The following EYS variants were observed in gnomAD, a reference collection of about 807,000 sequenced individuals.
The protein encoded by EYS is protein eyes shut homolog.
EYS carries 250 observed loss-of-function variants against 282.1 expected under a neutral mutation model. The ratio of observed to expected loss-of-function variants is 0.89; its 90% confidence interval spans 0.80 to 0.98. The LOEUF (loss-of-function observed/expected upper bound fraction) is 0.98. EYS is among the 50% of genes least tolerant of loss of function. The pLI, the probability that EYS is intolerant of heterozygous loss-of-function variation, is 0.00. For missense variants in EYS, 4,016 were observed against 3,709.0 expected (o/e 1.08, Z -2.15); for synonymous variants, 1,355 against 1,282.9 (o/e 1.06, Z -1.20).
chr6:64,286,365 T>TACC (rs1768501118), intron 30 of EYS, among the ~76,000 whole-genome samples: 1 of 152,200 alleles, frequency 6.6e-6, no homozygotes, highest in South Asian at 2.1e-4. Flanking sequence ...AATACAATGG[T>TACC]ACCTGGTTTT....
At chr6:64,617,118 G>A (rs988231454) in intron 24 of EYS, among the ~76,000 whole-genome samples, 7 of 152,016 alleles carry the variant, frequency 4.6e-5, no homozygotes, top group Admixed American at 2.6e-4. Context: ...TTCCTCCACT[G>A]GCATCCTCCT....
intron 26 of EYS, among the ~76,000 whole-genome samples, chr6:64,478,201 C>T (rs535537195): frequency 6.6e-6 from 1 of 152,034 alleles, no homozygotes; most frequent in Non-Finnish European, 1.5e-5. Context: ...TAGCTATATT[C>T]TTATTACCTT....
At chr6:63,809,147 A>G (rs1770977483) in intron 36 of EYS, among the ~76,000 whole-genome samples, 1 of 152,192 alleles carries the variant, frequency 6.6e-6, no homozygotes, top group African/African-American at 2.4e-5. Flanking sequence ...AATCAGGAGA[A>G]GAGGTCAAAG....
At chr6:64,524,837 A>G (rs1777867877) in intron 26 of EYS, among the ~76,000 whole-genome samples, 1 of 151,576 alleles carries the variant, frequency 6.6e-6, no homozygotes, top group Non-Finnish European at 1.5e-5. Context: ...TGGGTCTATT[A>G]TGGTACCACC....
Position 63,820,398 on chromosome 6 carries a change from C to T in EYS, c.7229-14026G>A, listed in dbSNP as rs916513318. ...CACCTCACAAATAGTTTCTTCAAAT[C>T]TATTGTTTTTCTACTGACTTTAGAT... On this transcript the variant is annotated intron_variant, in intron 36 of 42. Coordinates refer to ENST00000503581, the MANE Select transcript of EYS (RefSeq NM_001142800.2). 4.6e-5 allele frequency among the ~76,000 whole-genome samples: 7 copies of T among 152,138 alleles called. No individual in the cohort carries two copies. The South Asian group carries it at 6.2e-4, about 13-fold the overall frequency.
At chr6:65,060,717 T>G (rs1773546517) in intron 12 of EYS, among the ~76,000 whole-genome samples, 1 of 151,278 alleles carries the variant, frequency 6.6e-6, no homozygotes. Context: ...TACACCTTCT[T>G]CTGCAGTCAG....
intron 12 of EYS, among the ~76,000 whole-genome samples, chr6:65,118,724 A>T (rs1475247867): frequency 6.6e-6 from 1 of 152,192 alleles, no homozygotes; most frequent in African/African-American, 2.4e-5. Flanking sequence ...GAGAGTTTTA[A>T]GTTGGGGAGT....
chr6:65,379,191 G>C (rs552891285), intron 8 of EYS, among the ~76,000 whole-genome samples: 1 of 152,028 alleles, frequency 6.6e-6, no homozygotes, highest in Non-Finnish European at 1.5e-5. Flanking sequence ...CAATATCACT[G>C]ATGAACTTCG....
chr6:64,248,005 CAA>C (rs1164336116), intron 30 of EYS, among the ~76,000 whole-genome samples: 1 of 152,108 alleles, frequency 6.6e-6, no homozygotes, highest in Non-Finnish European at 1.5e-5. Context: ...AGAACATCCT[CAA>C]GAGGCCGAGT....
intron 39 of EYS, among the ~76,000 whole-genome samples, chr6:63,780,003 T>G (rs1328159075): frequency 6.6e-6 from 1 of 152,188 alleles, no homozygotes; most frequent in Non-Finnish European, 1.5e-5. Flanking sequence ...CAGTGTTTGG[T>G]TTTCTGTCCT....
At chr6:63,870,145 C>G (rs1002477042) in intron 35 of EYS, among the ~76,000 whole-genome samples, 11 of 152,088 alleles carry the variant, frequency 7.2e-5, no homozygotes, top group Non-Finnish European at 1.3e-4. Context: ...TATTTTGAAG[C>G]TATTTAAGGC....
chr6:64,947,541 G>T (rs1769327807), intron 14 of EYS, among the ~76,000 whole-genome samples: 1 of 151,408 alleles, frequency 6.6e-6, no homozygotes, highest in Admixed American at 6.6e-5. Flanking sequence ...CTCCAGTTTT[G>T]CTGGATTTTA....
chr6:64,267,761 C>T (rs1463889561), intron 30 of EYS, among the ~76,000 whole-genome samples: 1 of 151,846 alleles, frequency 6.6e-6, no homozygotes, highest in East Asian at 1.9e-4. Flanking sequence ...GAAAAAATAA[C>T]CAAAGGTCAG....
chr6:64,454,787 T>C (rs1775500974), intron 26 of EYS, among the ~76,000 whole-genome samples: 1 of 152,132 alleles, frequency 6.6e-6, no homozygotes, highest in Non-Finnish European at 1.5e-5. Flanking sequence ...CACAAAGAGA[T>C]ATGTAGGGAT....
chr6:64,305,838 A>C (rs1231494086), intron 30 of EYS, among the ~76,000 whole-genome samples: 2 of 152,214 alleles, frequency 1.3e-5, no homozygotes, highest in East Asian at 1.9e-4. Flanking sequence ...TTGGATATGG[A>C]TATGACACCA....
intron 2 of EYS, among the ~76,000 whole-genome samples, chr6:65,580,004 A>C (rs1764814364): frequency 6.6e-6 from 1 of 152,164 alleles, no homozygotes; most frequent in South Asian, 2.1e-4. Context: ...GGTCATGTAA[A>C]TATTAAGTAT....
intron 26 of EYS, among the ~76,000 whole-genome samples, chr6:64,529,725 A>G (rs574655434): frequency 3.1e-4 from 47 of 152,218 alleles, no homozygotes; most frequent in African/African-American, 1.1e-3. Flanking sequence ...TTGTTAAAAT[A>G]AAATTTAAGA....
chr6:64,532,502 G>A (rs1764381971), intron 26 of EYS, among the ~76,000 whole-genome samples: 6 of 152,126 alleles, frequency 3.9e-5, no homozygotes, highest in Admixed American at 1.3e-4. Context: ...GAGGTCAGGA[G>A]ATCGAGACCA....
At chr6:65,651,282 G>GA (rs922717641) in intron 1 of EYS, among the ~76,000 whole-genome samples, 12 of 151,080 alleles carry the variant, frequency 7.9e-5, no homozygotes, top group Admixed American at 2.6e-4. Context: ...AAAAATAAGT[G>GA]AAAAAAAACA....
Sources: gnomAD v4.1 joint callset for allele counts (sites outside exome capture counted in the v4.1 genomes callset) on GRCh38, gnomAD v4.1.1 for gene constraint, MANE v1.5 for transcripts, NCBI Gene and HGNC (gene_info 2026-07-23, HGNC 2026-07-21) for gene names.